CERK: variants seen among roughly 807,000 people sequenced by gnomAD.
CERK encodes acylsphingosine kinase.
CERK carries 39 observed loss-of-function variants against 63.4 expected under a neutral mutation model. The observed-to-expected ratio is 0.61, with a 90% CI of 0.48 to 0.80. The LOEUF (loss-of-function observed/expected upper bound fraction) is 0.80. CERK is among the 30% of genes least tolerant of loss of function. CERK has a pLI of 0.00. For missense variants in CERK, 670 were observed against 714.1 expected, an observed-to-expected ratio of 0.94 and a Z score of 0.70; for synonymous variants, 302 against 280.0, an observed-to-expected ratio of 1.08 and a Z score of -0.78.
At chr22:46,693,562 C>G in intron 9 of CERK, 59 bp from the exon 10 acceptor site, 1 of 1,336,138 alleles carries the variant, frequency 7.5e-7, no homozygotes, top group Non-Finnish European at 1.1e-6. Flanking sequence ...AGTGCGTATG[C>G]TTGGCACATA....
At chr22:46,697,435 G>A (rs536756491) in intron 8 of CERK, among the ~76,000 whole-genome samples, 1 of 151,762 alleles carries the variant, frequency 6.6e-6, no homozygotes, top group African/African-American at 2.4e-5. Flanking sequence ...CGAGTAACTG[G>A]GGTGCCCGGC....
chr22:46,726,235 G>A (rs1229058906), intron 1 of CERK, among the ~76,000 whole-genome samples: 2 of 152,222 alleles, frequency 1.3e-5, no homozygotes, highest in African/African-American at 2.4e-5. Context: ...CATATGCAAC[G>A]AGAACAAGAG....
In CERK at chr22:46,713,232, C is replaced by T. The variant is rs574358024; in HGVS notation, c.380-939G>A. Among the ~76,000 whole-genome samples the T allele has an allele frequency of 1.5e-4, 23 of 152,092 alleles. 1 individual carries two copies. Among genetic ancestry groups the T allele is most frequent in the East Asian group, 1.2e-3 (6 of 5,172 alleles). ...AAAAATCCAGACACAGGGCCAGGCG[C>T]GGTGGCTCATGCCTGTAATCCCAGC... On this transcript the variant is annotated intron_variant, in intron 3 of 12. Coordinates refer to ENST00000216264, the MANE Select transcript of CERK (RefSeq NM_022766.6).
intron 6 of CERK, among the ~76,000 whole-genome samples, chr22:46,702,267 G>A (rs1456093138): frequency 2.9e-5 from 4 of 139,488 alleles, no homozygotes; most frequent in African/African-American, 1.1e-4. Context: ...GTGTGTGTGT[G>A]AACATTTACA....
intron 11 of CERK, 126 bp downstream of exon 11, chr22:46,691,444 TAA>T (rs963778619): frequency 4.7e-4 from 288 of 612,084 alleles, no homozygotes; most frequent in South Asian, 7.6e-4. Context: ...TTTGTGAAAT[TAA>T]AAAAAAAAAA....
chr22:46,695,156 T>G (rs2082749706), intron 9 of CERK, 54 bp downstream of exon 9: 4 of 950,392 alleles, frequency 4.2e-6, no homozygotes, highest in Non-Finnish European at 6.6e-6. Context: ...TTCCTAACCG[T>G]CCTGCTTCAT....
chr22:46,698,157 C>A (rs553565445), intron 8 of CERK, among the ~76,000 whole-genome samples: 1 of 152,230 alleles, frequency 6.6e-6, no homozygotes, highest in East Asian at 1.9e-4. Context: ...AGGCAGGATG[C>A]GGGCAACCTC....
Position 46,691,771 on chromosome 22 carries a change from A to T in CERK, c.1133T>A (p.Val378Glu), listed in dbSNP as rs762748071. The change falls in exon 11 of 13, where the codon GTG (valine) becomes GAG (glutamate). Residue 378 changes from valine to glutamate, a missense_variant. By Grantham distance (121) the Val-to-Glu change is moderately radical (BLOSUM62 -2). Coordinates refer to ENST00000216264, the MANE Select transcript of CERK (RefSeq NM_022766.6). The part of the protein sequence containing the change: ...ALYGLEAAED[V>E]EEWQVVCGKF... ...CCCACAGACGACTTGCCACTCCTCC[A>T]CGTCCTCTGAAGCACAAAGAACCAC... The T allele has an allele frequency of 3.1e-6, 5 of 1,609,268 alleles. No individual in the cohort carries two copies. In the African/African-American group the frequency reaches 5.3e-5, roughly 17 times the overall value.
chr22:46,725,591 T>A (rs1188214661), intron 1 of CERK, among the ~76,000 whole-genome samples: 1 of 152,180 alleles, frequency 6.6e-6, no homozygotes, highest in African/African-American at 2.4e-5. Context: ...AAGGTGGGAA[T>A]TGGGGGCACT....
Position 46,738,230 on chromosome 22 carries a change from C to CCGGGCGG in CERK, c.-89_-83dup, listed in dbSNP as rs1051839122. ...GACCGTTAGCGGCCCCTGCAGTGGCCCGGGCGGCGGGCGGCGGGCGGCGGG... is the reference window on the plus strand; with the variant it reads ...GACCGTTAGCGGCCCCTGCAGTGGCCCGGGCGGCGGGCGGCGGGCGGCGGGCGGCGGG... On this transcript the variant is annotated 5_prime_UTR_variant, in exon 1 of 13. Coordinates refer to ENST00000216264, the MANE Select transcript of CERK (RefSeq NM_022766.6). 8.4e-5 allele frequency: 43 copies of CCGGGCGG among 513,462 alleles called. 1 individual carries two copies. Among genetic ancestry groups the CCGGGCGG allele is most frequent in the South Asian group, 4.7e-4 (6 of 12,654 alleles). 31.8% of individuals were successfully genotyped at this position (513,462 alleles called of 1,614,324 possible). A position where few individuals can be genotyped will look rare whatever the true frequency, so the allele number is the denominator to read the frequency against.
chr22:46,689,944 C>T (rs1363954979), intron 12 of CERK, 48 bp downstream of exon 12: 3 of 1,472,902 alleles, frequency 2.0e-6, no homozygotes, highest in Non-Finnish European at 2.7e-6. Flanking sequence ...ACAGACACCT[C>T]AGGGCTCAAG....
chr22:46,697,442 C>T (rs2082762049), intron 8 of CERK, among the ~76,000 whole-genome samples: 1 of 151,710 alleles, frequency 6.6e-6, no homozygotes, highest in Admixed American at 6.6e-5. Context: ...CTGGGGTGCC[C>T]GGCTAATTTT....
At chr22:46,690,281 A>AG in intron 11 of CERK, 81 bp from the exon 12 acceptor site, 1 of 1,135,142 alleles carries the variant, frequency 8.8e-7, no homozygotes, top group Non-Finnish European at 1.3e-6. Flanking sequence ...CAGGCCTGAC[A>AG]GCGAGCGCTG....
chr22:46,705,633 T>G (rs572256862), intron 6 of CERK, among the ~76,000 whole-genome samples: 1 of 152,102 alleles, frequency 6.6e-6, no homozygotes, highest in African/African-American at 2.4e-5. Flanking sequence ...ATCGCACCAC[T>G]GCACTCCAGC....
At chr22:46,725,362 T>G (rs1047046021) in intron 1 of CERK, among the ~76,000 whole-genome samples, 1 of 152,018 alleles carries the variant, frequency 6.6e-6, no homozygotes, top group African/African-American at 2.4e-5. Context: ...GGGCAGGTCA[T>G]GTGGACGGCA....
At chr22:46,708,850 G>A (rs1446707735) in intron 5 of CERK, among the ~76,000 whole-genome samples, 4 of 152,140 alleles carry the variant, frequency 2.6e-5, no homozygotes, top group Admixed American at 6.5e-5. Context: ...GTTGCAGGGG[G>A]AAGGTCCGCC....
At chr22:46,733,607 T>C (rs910579800) in intron 1 of CERK, among the ~76,000 whole-genome samples, 1 of 152,078 alleles carries the variant, frequency 6.6e-6, no homozygotes, top group Non-Finnish European at 1.5e-5. Context: ...ATCTTTTTTT[T>C]TAAATTTATG....
intron 3 of CERK, among the ~76,000 whole-genome samples, chr22:46,716,191 C>CT (rs79638073): frequency 1.3e-3 from 180 of 141,308 alleles, no homozygotes; most frequent in East Asian, 2.2e-3. Context: ...CCTCATCTCC[C>CT]TTTTTTTTTT....
intron 1 of CERK, among the ~76,000 whole-genome samples, chr22:46,725,215 C>G (rs776637162): frequency 6.6e-6 from 1 of 152,180 alleles, no homozygotes. Flanking sequence ...ACGCCCTAGT[C>G]TTCGATACTC....
Sources: gnomAD v4.1 joint callset for allele counts (sites outside exome capture counted in the v4.1 genomes callset) on GRCh38, gnomAD v4.1.1 for gene constraint, MANE v1.5 for transcripts, NCBI Gene and HGNC (gene_info 2026-07-23, HGNC 2026-07-21) for gene names.